Variants in B3GALT1 observed in about 807,000 individuals in gnomAD.
The protein encoded by B3GALT1 is beta-1,3-galactosyltransferase 1, also known as UDP-Gal:betaGlcNAc beta 1,3-galactosyltransferase, polypeptide 1.
In B3GALT1, 10 loss-of-function variants were observed where a neutral mutation model predicts 23.2. The observed-to-expected ratio is 0.43, with a 90% CI of 0.27 to 0.73. The LOEUF (loss-of-function observed/expected upper bound fraction) is 0.73, where lower values mean the gene tolerates loss of function less well. B3GALT1 is among the 30% of genes least tolerant of loss of function. The probability of loss-of-function intolerance (pLI) is 0.21; values close to 1 mark genes in which losing one functional copy is unlikely to be tolerated. For synonymous variants in B3GALT1, 156 were observed against 141.5 expected, an observed-to-expected ratio of 1.10 and a Z score of -0.73; for missense variants, 299 against 405.4, an observed-to-expected ratio of 0.74 and a Z score of 2.25.
At position 167,872,628 on chromosome 2, in the gene B3GALT1, A is replaced by G. The variant is rs896771251; in HGVS notation, c.*2608A>G. The stretch of plus-strand genomic sequence containing the variant: ...AGTCAAACCACCTCTGGTGTCAAGA[A>G]ATTACACATTATAAACATCATATAT... On this transcript the variant is annotated 3_prime_UTR_variant, in exon 5 of 5. Transcript: ENST00000392690. 2 of 152,220 alleles carry G rather than the reference A, an allele frequency of 1.3e-5. No individual in the cohort carries two copies. The highest frequency in any genetic ancestry group is 3.8e-4 in the East Asian group (2 of 5,200). 9.4% of individuals were successfully genotyped at this position (152,220 alleles called of 1,614,324 possible).
intron 3 of B3GALT1, among the ~76,000 whole-genome samples, chr2:167,729,856 C>A (rs1251349409): frequency 2.6e-5 from 4 of 152,114 alleles, no homozygotes; most frequent in Non-Finnish European, 1.5e-5. Flanking sequence ...AGCTAAGGGG[C>A]ATCCTGTTGA....
intron 1 of B3GALT1, among the ~76,000 whole-genome samples, chr2:167,376,223 G>C (rs1380453378): frequency 6.6e-6 from 1 of 152,244 alleles, no homozygotes; most frequent in East Asian, 1.9e-4. Flanking sequence ...TTAACTTTTT[G>C]ATGTGCTAAT....
chr2:167,512,607 T>TATATACAC (rs1558887854), intron 2 of B3GALT1, among the ~76,000 whole-genome samples: 2 of 80,270 alleles, frequency 2.5e-5, no homozygotes, highest in African/African-American at 1.2e-4. Context: ...TATATATATA[T>TATATACAC]GTATATATAT....
intron 4 of B3GALT1, among the ~76,000 whole-genome samples, chr2:167,828,361 A>C (rs541670021): frequency 6.6e-6 from 1 of 152,242 alleles, no homozygotes; most frequent in Admixed American, 6.5e-5. Context: ...ACCTGTGATG[A>C]ACTGCCGAAT....
intron 3 of B3GALT1, among the ~76,000 whole-genome samples, chr2:167,706,278 C>A (rs1447087290): frequency 1.3e-5 from 2 of 152,158 alleles, no homozygotes; most frequent in African/African-American, 4.8e-5. Context: ...AATTGCAAAT[C>A]GGCTAAGACT....
intron 4 of B3GALT1, among the ~76,000 whole-genome samples, chr2:167,844,001 TCA>T (rs1202663581): frequency 1.3e-5 from 2 of 152,182 alleles, no homozygotes; most frequent in East Asian, 3.8e-4. Context: ...CTGAGAATGC[TCA>T]CAGAGTAAAT....
At chr2:167,783,410 A>T (rs1339526602) in intron 3 of B3GALT1, among the ~76,000 whole-genome samples, 1 of 152,090 alleles carries the variant, frequency 6.6e-6, no homozygotes, top group African/African-American at 2.4e-5. Context: ...TGAGCTGCAA[A>T]ATCCATTATG....
rs577812707 is a variant in B3GALT1, at chr2:167,688,907, G to C, written c.-352+41941G>C. 7.9e-5 allele frequency among the ~76,000 whole-genome samples: 12 copies of C among 152,120 alleles called. No homozygotes were observed. In the South Asian group the frequency reaches 1.9e-3, roughly 24 times the overall value. ...TTCACCTCTTTTCTGGGAGCCTTGT[G>C]TATTTACTATGTGTGTATGTGTGTA... On this transcript the variant is annotated intron_variant, in intron 3 of 4. Transcript: ENST00000392690.
At chr2:167,511,853 T>C (rs527288469) in intron 2 of B3GALT1, among the ~76,000 whole-genome samples, 2 of 152,280 alleles carry the variant, frequency 1.3e-5, no homozygotes, top group East Asian at 1.9e-4. Flanking sequence ...TTTTAATATA[T>C]AAAGAACATT....
chr2:167,507,206 A>G (rs1388155272), intron 2 of B3GALT1, among the ~76,000 whole-genome samples: 2 of 152,106 alleles, frequency 1.3e-5, no homozygotes, highest in Admixed American at 1.3e-4. Context: ...CTTGGTGAAT[A>G]TTAAAAAGTA....
At chr2:167,447,912 G>T (rs1305888321) in intron 1 of B3GALT1, among the ~76,000 whole-genome samples, 1 of 152,120 alleles carries the variant, frequency 6.6e-6, no homozygotes, top group Non-Finnish European at 1.5e-5. Flanking sequence ...AGTTGGAAAT[G>T]CCGAAATCAC....
rs116561197 is a variant in B3GALT1, at chr2:167,462,997, G to A, written c.-510-27180G>A. On this transcript the variant is annotated intron_variant, in intron 1 of 4. Coordinates refer to ENST00000392690, the MANE Select transcript of B3GALT1 (RefSeq NM_020981.4). Reference sequence around the variant, plus strand: ...AGATTGTTTATGATAAAATAAATGAGAACGTATCTGTTAATGAAATTTGGT... The same window carrying A: ...AGATTGTTTATGATAAAATAAATGAAAACGTATCTGTTAATGAAATTTGGT... Among the ~76,000 whole-genome samples, 1,008 of 152,162 alleles carry A rather than the reference G, an allele frequency of 6.6e-3. 8 individuals are homozygous for A. Among genetic ancestry groups the A allele is most frequent in the African/African-American group, 0.022 (932 of 41,542 alleles).
At chr2:167,449,532 A>G (rs1397030413) in intron 1 of B3GALT1, among the ~76,000 whole-genome samples, 3 of 152,202 alleles carry the variant, frequency 2.0e-5, no homozygotes, top group Non-Finnish European at 2.9e-5. Flanking sequence ...TGATCATATC[A>G]TCAGCAAACA....
intron 2 of B3GALT1, among the ~76,000 whole-genome samples, chr2:167,545,980 G>C (rs962771896): frequency 6.6e-6 from 1 of 152,108 alleles, no homozygotes; most frequent in Non-Finnish European, 1.5e-5. Context: ...TAGGCTGAAG[G>C]TACTTTTATA....
At chr2:167,546,600 A>G (rs1476906056) in intron 2 of B3GALT1, among the ~76,000 whole-genome samples, 3 of 152,068 alleles carry the variant, frequency 2.0e-5, no homozygotes, top group African/African-American at 7.2e-5. Flanking sequence ...TCCTTTGGGT[A>G]AGCTAATTCT....
At position 167,869,339 on chromosome 2, in the gene B3GALT1, G is replaced by A. The variant is rs754037618; in HGVS notation, c.300G>A (p.Thr100=). The change falls in exon 5 of 5, where the codon ACG becomes ACA. Residue 100 remains threonine (T), a synonymous_variant. Transcript: ENST00000392690. This position sits in a 1 kb window ranked among gnomAD's most constrained non-coding sequence, Gnocchi z 6.4. ...ATGCCCGTCAGGCAATCAGAGAGAC[G>A]TGGGGGGATGAGAACAACTTTAAGG... ...EFDARQAIRE[T]WGDENNFKGI... is the part of the protein sequence containing the mutation. 21 of 1,614,016 alleles carry A rather than the reference G, an allele frequency of 1.3e-5. No homozygotes were observed. Among genetic ancestry groups the A allele is most frequent in the East Asian group, 2.2e-5 (1 of 44,886 alleles).
chr2:167,550,633 G>T lies in B3GALT1; in HGVS notation c.-410+60356G>T, dbSNP rs772221594. On this transcript the variant is annotated intron_variant, in intron 2 of 4. Transcript: ENST00000392690. The stretch of plus-strand genomic sequence containing the variant: ...CCATATAAAAATAGTGGCCTCTAGT[G>T]GTTGTCTGACTTCTCACTAGAGCCT... Among the ~76,000 whole-genome samples the T allele has an allele frequency of 1.1e-4, 17 of 152,272 alleles. No individual in the cohort carries two copies. The South Asian group carries it at 3.5e-3, about 32-fold the overall frequency.
chr2:167,830,932 T>C (rs1385906206), intron 4 of B3GALT1, among the ~76,000 whole-genome samples: 1 of 152,224 alleles, frequency 6.6e-6, no homozygotes, highest in Middle Eastern at 3.2e-3. Context: ...ACACCAGTTG[T>C]AAGAACATGG....
At chr2:167,634,743 A>T (rs1044767633) in intron 2 of B3GALT1, among the ~76,000 whole-genome samples, 1 of 152,136 alleles carries the variant, frequency 6.6e-6, no homozygotes, top group African/African-American at 2.4e-5. Context: ...CCAGGTCCAG[A>T]TGGATTCACA....
Sources: allele counts gnomAD v4.1 joint callset (sites outside exome capture counted in the v4.1 genomes callset), GRCh38; gene constraint gnomAD v4.1.1; non-coding constraint Gnocchi (gnomAD v3.1); transcripts MANE v1.5; gene names NCBI Gene and HGNC (gene_info 2026-07-23, HGNC 2026-07-21).